ALPL: variants seen among roughly 807,000 people sequenced by gnomAD.
ALPL encodes the protein alkaline phosphatase, biomineralization associated, also known as alkaline phosphatase, tissue-nonspecific isozyme.
ALPL carries 42 observed loss-of-function variants against 51.3 expected under a neutral mutation model. That is an observed-to-expected ratio of 0.82 (90% CI 0.64 to 1.06). The LOEUF is 1.06. Among genes scored for constraint, ALPL ranks in the 50% least tolerant of loss-of-function variants. The probability of loss-of-function intolerance (pLI) is 0.00; values close to 1 mark genes in which losing one functional copy is unlikely to be tolerated. For synonymous variants in ALPL, 279 were observed against 296.4 expected (o/e 0.94, Z 0.60); for missense variants, 589 against 709.4 (o/e 0.83, Z 1.93).
At chr1:21,534,075 C>A (rs550471455) in intron 1 of ALPL, among the ~76,000 whole-genome samples, 1 of 152,000 alleles carries the variant, frequency 6.6e-6, no homozygotes, top group African/African-American at 2.4e-5. Flanking sequence ...GCCTAGACCT[C>A]CTGGGCTGAA....
intron 1 of ALPL, among the ~76,000 whole-genome samples, chr1:21,543,601 C>G (rs985170178): frequency 1.3e-5 from 2 of 152,108 alleles, no homozygotes; most frequent in African/African-American, 2.4e-5. Flanking sequence ...AAAAACAAAA[C>G]AAAACATTTC....
intron 8 of ALPL, among the ~76,000 whole-genome samples, chr1:21,572,684 G>A (rs1265592559): frequency 2.0e-5 from 3 of 152,158 alleles, no homozygotes; most frequent in South Asian, 2.1e-4. Flanking sequence ...CACTCACAGA[G>A]GGGCAGGGTG....
At chr1:21,525,027 T>C (rs1643923974) in intron 1 of ALPL, among the ~76,000 whole-genome samples, 1 of 152,236 alleles carries the variant, frequency 6.6e-6, no homozygotes, top group Non-Finnish European at 1.5e-5. Context: ...CCTGAGTTTC[T>C]ATCTGAGGCT....
At chr1:21,516,420 C>G (rs1643801638) in intron 1 of ALPL, among the ~76,000 whole-genome samples, 1 of 138,792 alleles carries the variant, frequency 7.2e-6, no homozygotes, top group Non-Finnish European at 1.6e-5. Context: ...ACTAAAAGTC[C>G]ATAGACTATA....
In ALPL at chr1:21,577,552, C is replaced by T. The variant is rs759758484; in HGVS notation, c.1479C>T (p.Asn493=). The change falls in exon 12 of 12, where the codon AAC becomes AAT. Residue 493 remains asparagine, a synonymous_variant. Coordinates refer to ENST00000374840, the MANE Select transcript of ALPL (RefSeq NM_000478.6). ...VMAYAACIGA[N]LGHCAPASSA... ...CGTATGCAGCCTGCATCGGGGCCAA[C>T]CTCGGCCACTGTGCTCCTGCCAGCT... 1.0e-5 allele frequency: 16 copies of T among 1,605,288 alleles called. No homozygotes were observed. Among genetic ancestry groups the T allele is most frequent in the Non-Finnish European group, 1.2e-5 (14 of 1,179,856 alleles).
rs78276691 is a variant in ALPL at position 21,518,368 on chromosome 1, C to T, written c.-105+8851C>T. Among the ~76,000 whole-genome samples the T allele has an allele frequency of 3.5e-3, 526 of 152,278 alleles. 3 individuals are homozygous for T. Among genetic ancestry groups the T allele is most frequent in the African/African-American group, 0.012 (484 of 41,556 alleles). ...CTGCGAAATGCTTTGTATACATTTA[C>T]ACATTTAATCCTTATACCAGCCCAT... On this transcript the variant is annotated intron_variant, in intron 1 of 11. Coordinates refer to ENST00000374840, the MANE Select transcript of ALPL (RefSeq NM_000478.6).
At chr1:21,523,477 G>A (rs1389982333) in intron 1 of ALPL, among the ~76,000 whole-genome samples, 1 of 152,208 alleles carries the variant, frequency 6.6e-6, no homozygotes, top group African/African-American at 2.4e-5. Context: ...CTCTGCTCCA[G>A]GTTGGCCACT....
chr1:21,564,108 C>T lies in ALPL; in HGVS notation c.540C>T (p.His180=), dbSNP rs770068340. 1 of 1,614,136 alleles carries T rather than the reference C, an allele frequency of 6.2e-7. No individual in the cohort carries two copies. The change falls in exon 6 of 12, where the codon CAC becomes CAT. Residue 180 remains histidine, a synonymous_variant. Transcript: ENST00000374840. The surrounding 1 kb of genome is among the most constrained non-coding windows in gnomAD (Gnocchi z 5.8). ...NHATPSAAYA[H]SADRDWYSDN... ...CCACCCCCAGCGCCGCCTACGCCCA[C>T]TCGGCTGACCGGGACTGGTACTCAG... is the stretch of plus-strand genomic sequence containing the variant.
chr1:21,565,953 C>T (rs1010209361), intron 6 of ALPL, among the ~76,000 whole-genome samples: 6 of 152,126 alleles, frequency 3.9e-5, no homozygotes, highest in African/African-American at 1.4e-4. Flanking sequence ...GGGCTGGAAA[C>T]GATGAGGCTC....
intron 1 of ALPL, among the ~76,000 whole-genome samples, chr1:21,525,930 G>A (rs1455658496): frequency 1.3e-5 from 2 of 152,106 alleles, no homozygotes; most frequent in Admixed American, 1.3e-4. Context: ...AGAGGTGGCA[G>A]TGAGCCAAGA....
At chr1:21,563,384 C>G in intron 5 of ALPL, 100 bp downstream of exon 5, 1 of 1,388,856 alleles carries the variant, frequency 7.2e-7, no homozygotes, top group Non-Finnish European at 9.7e-7. Flanking sequence ...AAAGGCTTCT[C>G]TGTGGGGCTC....
chr1:21,549,729 CT>C (rs1644297083), intron 1 of ALPL, among the ~76,000 whole-genome samples: 1 of 152,126 alleles, frequency 6.6e-6, no homozygotes, highest in African/African-American at 2.4e-5. Flanking sequence ...TCTCAAAGTG[CT>C]GGGATTACAG....
intron 11 of ALPL, 45 bp from the exon 12 acceptor site, chr1:21,577,338 C>T (rs778381143): frequency 2.5e-6 from 4 of 1,612,778 alleles, no homozygotes; most frequent in Non-Finnish European, 3.4e-6. Flanking sequence ...TGCGCAGCGC[C>T]AGGCCCCTGG....
chr1:21,537,388 A>C (rs1242836174), intron 1 of ALPL, among the ~76,000 whole-genome samples: 1 of 152,218 alleles, frequency 6.6e-6, no homozygotes, highest in African/African-American at 2.4e-5. Flanking sequence ...GGAGAGGCCA[A>C]CGTGACTGAA....
rs191557203 is a variant in ALPL, at chr1:21,540,471, G to A, written c.-104-13507G>A. Among the ~76,000 whole-genome samples, 42 of 152,306 alleles carry A rather than the reference G, an allele frequency of 2.8e-4. 1 individual carries two copies. The highest frequency in any genetic ancestry group is 4.4e-5 in the Non-Finnish European group (3 of 68,024). On this transcript the variant is annotated intron_variant, in intron 1 of 11. Transcript: ENST00000374840. ...CAGGGTTTCTGATTCCAGCTCTGCTGTGTGGCCTTGAGTAAGTGACAGTCA... is the reference window on the plus strand; with the variant it reads ...CAGGGTTTCTGATTCCAGCTCTGCTATGTGGCCTTGAGTAAGTGACAGTCA...
At chr1:21,539,639 T>A (rs1644155079) in intron 1 of ALPL, among the ~76,000 whole-genome samples, 1 of 148,120 alleles carries the variant, frequency 6.8e-6, no homozygotes, top group African/African-American at 2.5e-5. Context: ...CCTCTCTGTG[T>A]CTTCCTTTTC....
At chr1:21,557,871 C>A (rs1644433798) in intron 2 of ALPL, among the ~76,000 whole-genome samples, 1 of 152,198 alleles carries the variant, frequency 6.6e-6, no homozygotes, top group Non-Finnish European at 1.5e-5. Flanking sequence ...GGTTGTGAGG[C>A]ATCTGTGGGC....
chr1:21,572,063 G>A (rs991582993), intron 8 of ALPL, among the ~76,000 whole-genome samples: 12 of 152,186 alleles, frequency 7.9e-5, no homozygotes, highest in Admixed American at 7.9e-4. Context: ...GACGTGGGAG[G>A]CTTGCTTGAG....
At chr1:21,574,762 G>A (rs992845726) in intron 9 of ALPL, 3 of 152,262 alleles carry the variant, frequency 2.0e-5, no homozygotes, top group East Asian at 1.9e-4. Context: ...GGGCTCCCCC[G>A]GGAGCGGTTT....
Sources: gnomAD v4.1 joint callset for allele counts (sites outside exome capture counted in the v4.1 genomes callset) on GRCh38, gnomAD v4.1.1 for gene constraint, Gnocchi (gnomAD v3.1) non-coding constraint, MANE v1.5 for transcripts, NCBI Gene and HGNC (gene_info 2026-07-23, HGNC 2026-07-21) for gene names.